SPECC1: variants seen among roughly 807,000 people sequenced by gnomAD.
The protein encoded by SPECC1 is sperm antigen with calponin homology and coiled-coil domains 1.
In SPECC1, 62 loss-of-function variants were observed where a neutral mutation model predicts 104.1. That is an observed-to-expected ratio of 0.60 (90% CI 0.49 to 0.74). The LOEUF is 0.74. Among genes scored for constraint, SPECC1 ranks in the 30% least tolerant of loss-of-function variants. The pLI, the probability that SPECC1 is intolerant of heterozygous loss-of-function variation, is 0.00. For missense variants in SPECC1, 1,306 were observed against 1,310.5 expected, an observed-to-expected ratio of 1.00 and a Z score of 0.05; for synonymous variants, 513 against 501.6, an observed-to-expected ratio of 1.02 and a Z score of -0.30.
intron 1 of SPECC1, among the ~76,000 whole-genome samples, chr17:20,093,430 G>T (rs538122302): frequency 1.3e-5 from 2 of 152,194 alleles, no homozygotes; most frequent in East Asian, 1.9e-4. Context: ...ACCTCGTAGG[G>T]TTACTGAGCT....
intron 1 of SPECC1, among the ~76,000 whole-genome samples, chr17:20,040,596 T>C (rs1477545352): frequency 1.3e-5 from 2 of 152,228 alleles, no homozygotes; most frequent in Admixed American, 1.3e-4. Context: ...TTACTGAATC[T>C]AGAATTTTGT....
intron 13 of SPECC1, among the ~76,000 whole-genome samples, chr17:20,299,555 CAAAA>C (rs57493380): frequency 1.7e-4 from 7 of 40,368 alleles, no homozygotes; most frequent in African/African-American, 4.0e-4. Context: ...GACCCTGTCT[CAAAA>C]AAAAAAAAAA....
In SPECC1 at chr17:20,100,080, ATTG is replaced by A. The variant is rs1402979731; in HGVS notation, c.147+3287_147+3289del. Reference sequence around the variant, plus strand: ...ATACTGTGTCATTTTAAATTTTTTTATTGTTGTATTGTTAATTTTTAAAATTAA... The same window carrying A: ...ATACTGTGTCATTTTAAATTTTTTTATTGTATTGTTAATTTTTAAAATTAA... On this transcript the variant is annotated intron_variant, in intron 2 of 14. Coordinates refer to ENST00000395527, the MANE Select transcript of SPECC1 (RefSeq NM_001243439.2). Among the ~76,000 whole-genome samples, 17 of 152,212 alleles carry A rather than the reference ATTG, an allele frequency of 1.1e-4. 1 individual carries two copies. Among genetic ancestry groups the A allele is most frequent in the South Asian group, 6.2e-4 (3 of 4,822 alleles).
chr17:20,049,356 T>C (rs913744781), intron 1 of SPECC1, among the ~76,000 whole-genome samples: 15 of 152,088 alleles, frequency 9.9e-5, no homozygotes, highest in African/African-American at 3.6e-4. Flanking sequence ...GTCCTGGTAC[T>C]ATCATTTGAG....
intron 1 of SPECC1, among the ~76,000 whole-genome samples, chr17:20,059,311 A>G (rs186164433): frequency 6.6e-6 from 1 of 152,212 alleles, no homozygotes; most frequent in Admixed American, 6.5e-5. Flanking sequence ...AGAGTCTCAT[A>G]AAGAGCGGAA....
chr17:20,056,640 A>C (rs923952116), intron 1 of SPECC1: 6 of 164,458 alleles, frequency 3.6e-5, no homozygotes, highest in Admixed American at 1.8e-4. Context: ...CTTAAAATGG[A>C]AAAGCATTTT....
chr17:20,204,819 T>C lies in SPECC1; in HGVS notation c.770T>C (p.Leu257Pro). 2 of 1,614,040 alleles carry C rather than the reference T, an allele frequency of 1.2e-6. No individual in the cohort carries two copies. Among genetic ancestry groups the C allele is most frequent in the East Asian group, 2.2e-5 (1 of 44,872 alleles). The change falls in exon 4 of 15, where the codon CTT (leucine) becomes CCT (proline). Residue 257 changes from leucine to proline, a missense_variant. Physicochemically the swap from Leu to Pro is moderately conservative, Grantham distance 98. Transcript: ENST00000395527. ...GTCCTGAAGGAGAAACTGATCTATCTTGAGCACTCCCCAAATTCAGAAGGG... is the reference window on the plus strand; with the variant it reads ...GTCCTGAAGGAGAAACTGATCTATCCTGAGCACTCCCCAAATTCAGAAGGG... ...NRVLKEKLIY[L>P]EHSPNSEGAA...
intron 3 of SPECC1, chr17:20,155,856 C>A: frequency 9.9e-7 from 1 of 1,010,552 alleles, no homozygotes; most frequent in Non-Finnish European, 1.2e-6. Flanking sequence ...CTTCTGGCAG[C>A]CAAGAAGGAA....
chr17:20,289,190 C>T (rs572681045), intron 12 of SPECC1, among the ~76,000 whole-genome samples: 4 of 152,294 alleles, frequency 2.6e-5, no homozygotes, highest in South Asian at 4.1e-4. Flanking sequence ...TTCACTATCA[C>T]GAGAATAGCA....
Position 20,150,659 on chromosome 17 carries a change from G to T in SPECC1, c.283+40097G>T, listed in dbSNP as rs1434547996. On this transcript the variant is annotated intron_variant, in intron 3 of 14. Coordinates refer to ENST00000395527, the MANE Select transcript of SPECC1 (RefSeq NM_001243439.2). ...TCTCAAAAAAAAAAAAAAGTGCTGG[G>T]ATTACAGGTTTGAGCCACCGTGACT... 5.9e-5 allele frequency among the ~76,000 whole-genome samples: 9 copies of T among 151,802 alleles called. No homozygotes were observed. The South Asian group carries it at 1.5e-3, about 25-fold the overall frequency.
In SPECC1 at chr17:20,152,904, A is replaced by G. The variant is rs369147894; in HGVS notation, c.283+42342A>G. Among the ~76,000 whole-genome samples, 9 of 152,240 alleles carry G rather than the reference A, an allele frequency of 5.9e-5. No individual in the cohort carries two copies. The South Asian group carries it at 1.9e-3, about 32-fold the overall frequency. Reference sequence around the variant, plus strand: ...ATGGTCTTGATCTCTTGACCTCGTGATCTGCCTGCCTCAGCCTCCCAAAGT... The same window carrying G: ...ATGGTCTTGATCTCTTGACCTCGTGGTCTGCCTGCCTCAGCCTCCCAAAGT... On this transcript the variant is annotated intron_variant, in intron 3 of 14. Transcript: ENST00000395527.
chr17:20,273,076 AGTGTCTTTAG>A (rs2040461006), intron 12 of SPECC1, among the ~76,000 whole-genome samples: 1 of 152,110 alleles, frequency 6.6e-6, no homozygotes. Context: ...TTCTGGTGTC[AGTGTCTTTAG>A]GTGGTCCTTC....
At position 20,314,433 on chromosome 17, in the gene SPECC1, G is replaced by T; in HGVS notation, c.*368G>T. On this transcript the variant is annotated 3_prime_UTR_variant, in exon 15 of 15. Coordinates refer to ENST00000395527, the MANE Select transcript of SPECC1 (RefSeq NM_001243439.2). ...TCAGACAAAGAACATCTCCAAATCA[G>T]TCTTTTGGTTGCTGTTGTTAAAAAT... The T allele has an allele frequency of 3.4e-6, 1 of 292,072 alleles. No individual in the cohort carries two copies. The highest frequency in any genetic ancestry group is 6.6e-6 in the Non-Finnish European group (1 of 151,050). The allele number at this position is 292,072 out of a possible 1,614,324, so 18.1% of individuals were successfully genotyped here. A position where few individuals can be genotyped will look rare whatever the true frequency, so the allele number is the denominator to read the frequency against.
chr17:20,061,677 G>A (rs2046188701), intron 1 of SPECC1, among the ~76,000 whole-genome samples: 1 of 152,196 alleles, frequency 6.6e-6, no homozygotes, highest in African/African-American at 2.4e-5. Context: ...AGGTCTTTAA[G>A]TTATTCTCCT....
intron 3 of SPECC1, among the ~76,000 whole-genome samples, chr17:20,147,643 G>A (rs905178055): frequency 2.6e-5 from 4 of 152,176 alleles, no homozygotes; most frequent in Non-Finnish European, 5.9e-5. Context: ...TGAGTTGAGA[G>A]GCATATGGAG....
At chr17:20,053,543 A>G (rs79148356) in intron 1 of SPECC1, among the ~76,000 whole-genome samples, 386 of 152,284 alleles carry the variant, frequency 2.5e-3, no homozygotes, top group Non-Finnish European at 3.1e-3. Context: ...AGGAGTAGGA[A>G]GAACACTGTG....
At chr17:20,260,682 A>T (rs1221161655) in intron 12 of SPECC1, among the ~76,000 whole-genome samples, 3 of 152,206 alleles carry the variant, frequency 2.0e-5, no homozygotes, top group African/African-American at 7.2e-5. Flanking sequence ...TTATGCCCTT[A>T]TCCCTCAGGC....
intron 7 of SPECC1, among the ~76,000 whole-genome samples, chr17:20,234,993 A>G (rs1017164532): frequency 9.9e-5 from 15 of 152,256 alleles, no homozygotes; most frequent in Admixed American, 8.5e-4. Context: ...TTTGCAGTCA[A>G]CCAGCAATAT....
intron 12 of SPECC1, among the ~76,000 whole-genome samples, chr17:20,269,862 AT>A (rs1471279953): frequency 6.6e-6 from 1 of 152,194 alleles, no homozygotes; most frequent in Non-Finnish European, 1.5e-5. Flanking sequence ...AGCCGTGGCC[AT>A]GACTCCATGC....
Sources: allele counts gnomAD v4.1 joint callset (sites outside exome capture counted in the v4.1 genomes callset), GRCh38; gene constraint gnomAD v4.1.1; transcripts MANE v1.5; gene names NCBI Gene and HGNC (gene_info 2026-07-23, HGNC 2026-07-21).